ESRRG: variants seen among roughly 807,000 people sequenced by gnomAD.
The protein encoded by ESRRG is estrogen-related receptor gamma.
ESRRG carries 13 observed loss-of-function variants against 44.0 expected under a neutral mutation model. The observed-to-expected ratio is 0.30, with a 90% CI of 0.19 to 0.47. ESRRG has a LOEUF of 0.47. ESRRG is among the 20% of genes least tolerant of loss of function. ESRRG has a pLI of 1.00. For missense variants in ESRRG, 395 were observed against 580.6 expected (o/e 0.68, Z 3.29); for synonymous variants, 215 against 214.6 (o/e 1.00, Z -0.02).
intron 5 of ESRRG, among the ~76,000 whole-genome samples, chr1:216,541,094 G>T (rs1324888847): frequency 6.6e-6 from 1 of 151,938 alleles, no homozygotes; most frequent in Non-Finnish European, 1.5e-5. Context: ...TTTCCCACTG[G>T]AATAGTGCAA....
intron 3 of ESRRG, among the ~76,000 whole-genome samples, chr1:216,577,680 C>T (rs1039518793): frequency 1.6e-4 from 25 of 151,880 alleles, no homozygotes; most frequent in Non-Finnish European, 3.1e-4. Flanking sequence ...TGAGAGCCCA[C>T]AGTCACTTTG....
At chr1:217,029,067 A>G (rs2081635532) in intron 1 of ESRRG, among the ~76,000 whole-genome samples, 1 of 152,208 alleles carries the variant, frequency 6.6e-6, no homozygotes, top group African/African-American at 2.4e-5. Context: ...CTTAAAAAAA[A>G]AAAAGAAGAA....
At chr1:216,820,186 A>G (rs1038837845) in intron 2 of ESRRG, among the ~76,000 whole-genome samples, 4 of 152,214 alleles carry the variant, frequency 2.6e-5, no homozygotes, top group African/African-American at 9.6e-5. Flanking sequence ...AGTGATGTGC[A>G]CCATTTTCAT....
intron 5 of ESRRG, among the ~76,000 whole-genome samples, chr1:216,536,504 G>A (rs1029867601): frequency 2.0e-5 from 3 of 151,970 alleles, no homozygotes; most frequent in Admixed American, 6.6e-5. Flanking sequence ...TCTTCCACCT[G>A]AACTAAGTCA....
intron 2 of ESRRG, among the ~76,000 whole-genome samples, chr1:216,759,115 C>T (rs1050871534): frequency 6.6e-5 from 10 of 152,086 alleles, no homozygotes; most frequent in African/African-American, 2.4e-4. Flanking sequence ...AAATCCATGT[C>T]TATAACGATC....
At chr1:216,998,518 C>A (rs1381382528) in intron 1 of ESRRG, among the ~76,000 whole-genome samples, 1 of 152,094 alleles carries the variant, frequency 6.6e-6, no homozygotes, top group Non-Finnish European at 1.5e-5. Context: ...GACATTACTT[C>A]TTTTTTGCAA....
intron 2 of ESRRG, among the ~76,000 whole-genome samples, chr1:216,924,681 T>C: frequency 6.6e-6 from 1 of 152,066 alleles, no homozygotes; most frequent in South Asian, 2.1e-4. Context: ...ATCCAAAGAG[T>C]GTTGCAAATA....
At chr1:216,899,497 A>C (rs930261754) in intron 2 of ESRRG, among the ~76,000 whole-genome samples, 5 of 152,180 alleles carry the variant, frequency 3.3e-5, no homozygotes, top group African/African-American at 4.8e-5. Flanking sequence ...GAAATACTTC[A>C]TTTATGTTTT....
chr1:217,066,466 C>T (rs796357440), intron 1 of ESRRG, among the ~76,000 whole-genome samples: 7 of 152,110 alleles, frequency 4.6e-5, no homozygotes, highest in African/African-American at 1.4e-4. Flanking sequence ...TGGTCTCGAT[C>T]TCCTGACCTC....
intron 2 of ESRRG, among the ~76,000 whole-genome samples, chr1:216,674,095 T>TCAAAC (rs1406838436): frequency 6.6e-6 from 1 of 152,202 alleles, no homozygotes. Context: ...CAAAATCAAA[T>TCAAAC]TAATAACAGT....
chr1:216,814,608 C>T lies in ESRRG; in HGVS notation c.-14+124974G>A, dbSNP rs570288812. 1.9e-3 allele frequency among the ~76,000 whole-genome samples: 292 copies of T among 152,308 alleles called. 3 individuals are homozygous for T. The highest frequency in any genetic ancestry group is 3.4e-3 in the Non-Finnish European group (228 of 68,028). On this transcript the variant is annotated intron_variant, in intron 2 of 7. Transcript: ENST00000359162. ...ACCTAACCATGTAATATTTCTGCTA[C>T]CTTCCTCAGTCTTTCACTTTGAAAT...
chr1:216,527,580 G>C (rs191979679), intron 5 of ESRRG, among the ~76,000 whole-genome samples: 75 of 152,106 alleles, frequency 4.9e-4, no homozygotes, highest in East Asian at 2.9e-3. Context: ...CATGTTAAGT[G>C]AGCTCATTTT....
chr1:216,651,205 T>C, intron 2 of ESRRG, 116 bp from the exon 3 acceptor site: 1 of 705,444 alleles, frequency 1.4e-6, no homozygotes, highest in South Asian at 1.6e-5. Flanking sequence ...AAATGTCACA[T>C]GAGACTCAAG....
At chr1:216,770,337 G>A (rs957529965) in intron 2 of ESRRG, among the ~76,000 whole-genome samples, 1 of 152,012 alleles carries the variant, frequency 6.6e-6, no homozygotes, top group Non-Finnish European at 1.5e-5. Context: ...AAAAGGAAGA[G>A]ACCAGAGAGC....
intron 2 of ESRRG, among the ~76,000 whole-genome samples, chr1:216,828,955 T>C (rs1232139698): frequency 6.6e-6 from 1 of 152,184 alleles, no homozygotes; most frequent in East Asian, 1.9e-4. Flanking sequence ...AGGGATATCT[T>C]ATTATGTGCA....
upstream of ESRRG, among the ~76,000 whole-genome samples, chr1:217,092,157 C>T (rs1393213527): frequency 6.6e-6 from 1 of 152,190 alleles, no homozygotes; most frequent in Non-Finnish European, 1.5e-5. Context: ...AAATCCAACT[C>T]TGCCTAGGAA....
chr1:217,123,653 A>T (rs2092851342), intron 1 of ESRRG, among the ~76,000 whole-genome samples: 1 of 152,222 alleles, frequency 6.6e-6, no homozygotes, highest in Non-Finnish European at 1.5e-5. Context: ...TAATGCAGGA[A>T]AAGAAAAACA....
In ESRRG at chr1:216,873,864, G is replaced by A. The variant is rs369990689; in HGVS notation, c.-14+65718C>T. Among the ~76,000 whole-genome samples, 8 of 135,940 alleles carry A rather than the reference G, an allele frequency of 5.9e-5. 1 individual carries two copies. In the East Asian group the frequency reaches 6.6e-4, roughly 11 times the overall value. The allele number at this position is 135,940 out of a possible 152,430, so 89.2% of individuals were successfully genotyped here. A position where few individuals can be genotyped will look rare whatever the true frequency, so the allele number is the denominator to read the frequency against. ...AAGGAACAGAGAAAAAAGAAGAGAC[G>A]GACAGGAGAGAAGGGAGGGAAGGGA... On this transcript the variant is annotated intron_variant, in intron 2 of 7. Coordinates refer to the ESRRG transcript ENST00000359162.
intron 1 of ESRRG, among the ~76,000 whole-genome samples, chr1:217,063,954 C>G (rs1420974262): frequency 6.6e-6 from 1 of 152,072 alleles, no homozygotes; most frequent in Non-Finnish European, 1.5e-5. Flanking sequence ...CTACTAAACC[C>G]TGTGGTGCTT....
Sources: allele counts gnomAD v4.1 joint callset (sites outside exome capture counted in the v4.1 genomes callset), GRCh38; gene constraint gnomAD v4.1.1; transcripts MANE v1.5; gene names NCBI Gene and HGNC (gene_info 2026-07-23, HGNC 2026-07-21).